Variants in NKAIN3 observed in about 807,000 individuals in gnomAD.
NKAIN3 encodes sodium/potassium transporting ATPase interacting 3, also known as sodium/potassium-transporting ATPase subunit beta-1-interacting protein 3.
Under a neutral mutation model 30.2 loss-of-function variants are expected in NKAIN3, and 25 were observed. The observed-to-expected ratio is 0.83, with a 90% CI of 0.60 to 1.16. The LOEUF (loss-of-function observed/expected upper bound fraction) is 1.16. Among genes scored for constraint, NKAIN3 ranks in the 50% most tolerant of loss-of-function variants. NKAIN3 has a pLI of 0.00. For synonymous variants in NKAIN3, 91 were observed against 89.6 expected (o/e 1.02, Z -0.09); for missense variants, 225 against 254.1 (o/e 0.89, Z 0.78).
chr8:62,379,917 G>C (rs1458173052), intron 1 of NKAIN3, among the ~76,000 whole-genome samples: 1 of 152,092 alleles, frequency 6.6e-6, no homozygotes, highest in Admixed American at 6.6e-5. Flanking sequence ...TACAGATGAG[G>C]ATACAGAGGC....
At chr8:62,900,519 G>T (rs1449450933) in intron 4 of NKAIN3, among the ~76,000 whole-genome samples, 13 of 152,164 alleles carry the variant, frequency 8.5e-5, no homozygotes, top group Admixed American at 8.5e-4. Flanking sequence ...CTACCTAAGT[G>T]GTTTGGGGAC....
chr8:62,274,585 A>C (rs918544559), intron 1 of NKAIN3, among the ~76,000 whole-genome samples: 1 of 151,132 alleles, frequency 6.6e-6, no homozygotes. Flanking sequence ...CTGGAAATTC[A>C]TTTTTTTTTA....
intron 4 of NKAIN3, among the ~76,000 whole-genome samples, chr8:62,886,062 AT>A (rs1227408704): frequency 1.3e-5 from 2 of 151,414 alleles, no homozygotes; most frequent in African/African-American, 4.9e-5. Context: ...CTTTGTTTCT[AT>A]TTTTGTCTTC....
At chr8:62,331,716 G>A (rs1345336491) in intron 1 of NKAIN3, among the ~76,000 whole-genome samples, 1 of 152,134 alleles carries the variant, frequency 6.6e-6, no homozygotes, top group East Asian at 1.9e-4. Context: ...CAAGCATGAA[G>A]AGACAAACAT....
intron 4 of NKAIN3, among the ~76,000 whole-genome samples, chr8:62,775,560 A>G (rs1817165858): frequency 6.6e-6 from 1 of 152,030 alleles, no homozygotes; most frequent in Non-Finnish European, 1.5e-5. Flanking sequence ...CTGTCCTCTT[A>G]GTACTGCTAT....
chr8:62,749,212 C>T (rs3943271), intron 4 of NKAIN3, among the ~76,000 whole-genome samples: 29,578 of 152,018 alleles, frequency 0.19, 3,284 homozygotes, highest in African/African-American at 0.29. Flanking sequence ...TGCAGCAGGA[C>T]GCTTGGAATC....
intron 3 of NKAIN3, among the ~76,000 whole-genome samples, chr8:62,643,459 C>G (rs1354464452): frequency 1.3e-5 from 2 of 152,028 alleles, no homozygotes; most frequent in African/African-American, 2.4e-5. Flanking sequence ...GAATTGGGCC[C>G]AAAACCCACT....
At chr8:62,463,169 T>C (rs1004362625) in intron 1 of NKAIN3, among the ~76,000 whole-genome samples, 23 of 152,228 alleles carry the variant, frequency 1.5e-4, no homozygotes, top group Non-Finnish European at 2.9e-5. Flanking sequence ...CACTCACAGC[T>C]AATAAATGTT....
At chr8:62,331,179 T>C (rs113474839) in intron 1 of NKAIN3, among the ~76,000 whole-genome samples, 1,462 of 143,014 alleles carry the variant, frequency 0.01, 37 homozygotes, top group African/African-American at 0.036. Context: ...CCCTATTGTA[T>C]AGCCATATTA....
At chr8:62,858,793 C>A (rs1047357432) in intron 4 of NKAIN3, among the ~76,000 whole-genome samples, 1 of 152,230 alleles carries the variant, frequency 6.6e-6, no homozygotes, top group Non-Finnish European at 1.5e-5. Context: ...GGCAGGCACC[C>A]TTTTACTGCA....
intron 1 of NKAIN3, among the ~76,000 whole-genome samples, chr8:62,319,980 G>A (rs1263541301): frequency 3.9e-5 from 6 of 152,030 alleles, no homozygotes; most frequent in African/African-American, 1.4e-4. Flanking sequence ...TCTCTTTGTA[G>A]GTCTCTAAGG....
intron 1 of NKAIN3, among the ~76,000 whole-genome samples, chr8:62,420,746 T>G (rs142818258): frequency 0.013 from 2,002 of 152,248 alleles, 40 homozygotes; most frequent in African/African-American, 0.046. Flanking sequence ...ATCTGTATAT[T>G]ATAAAAATAG....
chr8:62,286,376 G>T (rs570309993), intron 1 of NKAIN3, among the ~76,000 whole-genome samples: 6 of 152,208 alleles, frequency 3.9e-5, no homozygotes, highest in African/African-American at 1.2e-4. Context: ...TTATATAAAA[G>T]AAGATACAGT....
intron 6 of NKAIN3, among the ~76,000 whole-genome samples, chr8:62,955,869 T>G (rs1823405588): frequency 6.6e-6 from 1 of 152,234 alleles, no homozygotes; most frequent in South Asian, 2.1e-4. Flanking sequence ...AGCACCCCTG[T>G]TCACTGCTGA....
chr8:62,472,876 C>T (rs1194642583), intron 1 of NKAIN3, among the ~76,000 whole-genome samples: 1 of 152,210 alleles, frequency 6.6e-6, no homozygotes, highest in African/African-American at 2.4e-5. Flanking sequence ...CACTGATCCG[C>T]AGTGCAGGCA....
chr8:62,379,813 T>G (rs1405567380), intron 1 of NKAIN3, among the ~76,000 whole-genome samples: 2 of 151,724 alleles, frequency 1.3e-5, no homozygotes, highest in East Asian at 1.9e-4. Flanking sequence ...GGAGCCTTCA[T>G]TTTTTTTCAG....
intron 1 of NKAIN3, among the ~76,000 whole-genome samples, chr8:62,311,591 C>T (rs575200326): frequency 6.6e-6 from 1 of 150,594 alleles, no homozygotes; most frequent in East Asian, 1.9e-4. Context: ...CCATGAGCCC[C>T]TCTGGGTGAC....
chr8:62,522,544 A>G (rs542527892), intron 1 of NKAIN3, among the ~76,000 whole-genome samples: 1 of 152,146 alleles, frequency 6.6e-6, no homozygotes, highest in East Asian at 1.9e-4. Flanking sequence ...TTTTCATAGG[A>G]GATGACAGCT....
chr8:62,344,705 C>T (rs1451144933), intron 1 of NKAIN3: 1 of 243,352 alleles, frequency 4.1e-6, no homozygotes, highest in Admixed American at 5.1e-5. Flanking sequence ...TATCCTGCAA[C>T]CCAGTTGCCT....
Sources: allele counts gnomAD v4.1 joint callset (sites outside exome capture counted in the v4.1 genomes callset), GRCh38; gene constraint gnomAD v4.1.1; transcripts MANE v1.5; gene names NCBI Gene and HGNC (gene_info 2026-07-23, HGNC 2026-07-21).